The following GNAO1 variants were observed in gnomAD, a reference collection of about 807,000 sequenced individuals.
GNAO1 encodes the protein G protein subunit alpha o1.
For synonymous variants in GNAO1, 164 were observed against 180.7 expected (o/e 0.91, Z 0.74); for missense variants, 166 against 478.7 (o/e 0.35, Z 6.10).
chr16:56,345,256 G>C, intron 6 of GNAO1: 1 of 985,552 alleles, frequency 1.0e-6, no homozygotes, highest in Non-Finnish European at 1.2e-6. Flanking sequence ...CAGGCCAGTC[G>C]TGTGCTTGTA....
intron 2 of GNAO1, among the ~76,000 whole-genome samples, chr16:56,241,415 G>C (rs1171535227): frequency 1.3e-5 from 2 of 152,150 alleles, no homozygotes; most frequent in Non-Finnish European, 2.9e-5. Flanking sequence ...TTCTCTTCCA[G>C]TGCTTCCCAT....
chr16:56,264,215 T>C (rs903922029), intron 2 of GNAO1, among the ~76,000 whole-genome samples: 5 of 152,252 alleles, frequency 3.3e-5, no homozygotes, highest in East Asian at 1.9e-4. Context: ...CTGAGTCTTA[T>C]ATCTCCAAAG....
chr16:56,231,838 T>C (rs570297219), intron 2 of GNAO1, among the ~76,000 whole-genome samples: 3 of 152,260 alleles, frequency 2.0e-5, no homozygotes, highest in Non-Finnish European at 2.9e-5. Context: ...GGCTCAGTAT[T>C]CTCTCCACCT....
At chr16:56,293,455 G>T (rs375692479) in intron 3 of GNAO1, among the ~76,000 whole-genome samples, 1 of 152,246 alleles carries the variant, frequency 6.6e-6, no homozygotes, top group East Asian at 1.9e-4. Context: ...CTCTAAAAAT[G>T]GATTGCCCTT....
intron 2 of GNAO1, among the ~76,000 whole-genome samples, chr16:56,252,606 G>C (rs2143459183): frequency 6.6e-6 from 1 of 152,342 alleles, no homozygotes; most frequent in South Asian, 2.1e-4. Context: ...GGATGAAATG[G>C]GGAGGTGCAC....
At chr16:56,291,575 C>A (rs1245892750) in intron 3 of GNAO1, among the ~76,000 whole-genome samples, 1 of 152,046 alleles carries the variant, frequency 6.6e-6, no homozygotes, top group Non-Finnish European at 1.5e-5. Context: ...GTGATGGTGC[C>A]CTTTGAAGTC....
intron 2 of GNAO1, among the ~76,000 whole-genome samples, chr16:56,215,309 A>C (rs1170686710): frequency 6.6e-6 from 1 of 152,224 alleles, no homozygotes; most frequent in Non-Finnish European, 1.5e-5. Flanking sequence ...TTCTTTGTCT[A>C]TCTGAGTTTC....
At chr16:56,355,166 T>C (rs1004039485) in intron 8 of GNAO1, 85 bp downstream of exon 8, 16 of 446,054 alleles carry the variant, frequency 3.6e-5, no homozygotes, top group South Asian at 3.1e-4. Flanking sequence ...CACTAACAAA[T>C]GCAAGTTGGT....
chr16:56,280,324 ATGGT>A (rs2037102570), intron 3 of GNAO1, among the ~76,000 whole-genome samples: 1 of 152,156 alleles, frequency 6.6e-6, no homozygotes, highest in East Asian at 1.9e-4. Context: ...GGAAAAAAAC[ATGGT>A]TGGTAATGAG....
rs1338365410 is a variant in GNAO1, at chr16:56,356,712, G to T, written c.*638G>T. ...TCGTATAAGGAAATCCAGCCCCATA[G>T]AAAACAATCTGCCCACCGACCCCCT... On this transcript the variant is annotated 3_prime_UTR_variant, in exon 9 of 9. Transcript: ENST00000262493. The T allele has an allele frequency of 1.3e-5, 2 of 152,016 alleles. No individual in the cohort carries two copies. The highest frequency in any genetic ancestry group is 6.6e-5 in the Admixed American group (1 of 15,254). The allele number at this position is 152,016 out of a possible 1,614,324, so 9.4% of individuals were successfully genotyped here.
chr16:56,237,234 G>A (rs1232174679), intron 2 of GNAO1, among the ~76,000 whole-genome samples: 1 of 152,180 alleles, frequency 6.6e-6, no homozygotes, highest in South Asian at 2.1e-4. Flanking sequence ...AGACTAAAGA[G>A]TAATGACATT....
At chr16:56,237,144 T>C (rs1278809837) in intron 2 of GNAO1, among the ~76,000 whole-genome samples, 1 of 152,226 alleles carries the variant, frequency 6.6e-6, no homozygotes, top group Non-Finnish European at 1.5e-5. Context: ...TTCTTTTGTT[T>C]TCAGGTAAGT....
chr16:56,355,194 G>C, intron 8 of GNAO1, 113 bp downstream of exon 8: 1 of 333,924 alleles, frequency 3.0e-6, no homozygotes, highest in Non-Finnish European at 5.3e-6. Flanking sequence ...CTTTAAAGAG[G>C]CATAACAAAA....
At chr16:56,330,485 A>G (rs2037677931) in intron 4 of GNAO1, among the ~76,000 whole-genome samples, 1 of 151,748 alleles carries the variant, frequency 6.6e-6, no homozygotes, top group African/African-American at 2.4e-5. Context: ...TTACCAAAAA[A>G]AAATTAAACA....
chr16:56,343,396 A>G (rs2143682650), intron 6 of GNAO1, among the ~76,000 whole-genome samples: 1 of 149,936 alleles, frequency 6.7e-6, no homozygotes, highest in South Asian at 2.1e-4. Context: ...AGAAGAGAGT[A>G]TTAGTCACTT....
intron 2 of GNAO1, among the ~76,000 whole-genome samples, chr16:56,219,846 G>A (rs540962290): frequency 6.6e-6 from 1 of 152,282 alleles, no homozygotes; most frequent in African/African-American, 2.4e-5. Flanking sequence ...CAGAGCAATG[G>A]GGGGATTCTG....
chr16:56,238,778 A>G (rs2036666359), intron 2 of GNAO1, among the ~76,000 whole-genome samples: 1 of 152,274 alleles, frequency 6.6e-6, no homozygotes, highest in South Asian at 2.1e-4. Flanking sequence ...TGTAGGATAT[A>G]CAGACTTTAA....
chr16:56,196,777 G>C (rs1567434217), intron 2 of GNAO1, among the ~76,000 whole-genome samples: 1 of 152,334 alleles, frequency 6.6e-6, no homozygotes, highest in African/African-American at 2.4e-5. Flanking sequence ...GAGCACTTTG[G>C]TTGTGCGTCC....
chr16:56,199,031 G>C (rs560115572), intron 2 of GNAO1, among the ~76,000 whole-genome samples: 114 of 152,298 alleles, frequency 7.5e-4, no homozygotes, highest in African/African-American at 2.7e-3. Flanking sequence ...CCCCTCCGAG[G>C]GCTCGGTTTC....
Sources: allele counts gnomAD v4.1 joint callset (sites outside exome capture counted in the v4.1 genomes callset), GRCh38; gene constraint gnomAD v4.1.1; transcripts MANE v1.5; gene names NCBI Gene and HGNC (gene_info 2026-07-23, HGNC 2026-07-21).